JAZF1: variants seen among roughly 807,000 people sequenced by gnomAD.
JAZF1 encodes the protein juxtaposed with another zinc finger protein 1.
In JAZF1, 8 loss-of-function variants were observed where a neutral mutation model predicts 26.4. The observed-to-expected ratio is 0.30, with a 90% CI of 0.18 to 0.55. JAZF1 has a LOEUF of 0.55. JAZF1 is among the 20% of genes least tolerant of loss of function. The pLI is 0.94. For missense variants in JAZF1, 199 were observed against 322.0 expected, an observed-to-expected ratio of 0.62 and a Z score of 2.92; for synonymous variants, 126 against 122.3, an observed-to-expected ratio of 1.03 and a Z score of -0.20.
chr7:27,857,688 A>C (rs191232521), intron 3 of JAZF1, among the ~76,000 whole-genome samples: 90 of 152,384 alleles, frequency 5.9e-4, no homozygotes, highest in African/African-American at 2.1e-3. Context: ...GACAAAATTC[A>C]ACATCCATTC....
At chr7:27,833,397 A>G (rs1016005082) in intron 4 of JAZF1, among the ~76,000 whole-genome samples, 2 of 152,348 alleles carry the variant, frequency 1.3e-5, no homozygotes, top group Admixed American at 6.5e-5. Context: ...GCATATCCCA[A>G]AAGTTTAACA....
intron 2 of JAZF1, among the ~76,000 whole-genome samples, chr7:27,899,561 A>AGTAGCTG (rs915302582): frequency 2.6e-5 from 4 of 151,908 alleles, no homozygotes; most frequent in African/African-American, 9.7e-5. Flanking sequence ...CAGCCTCCCA[A>AGTAGCTG]GTAGCTGAGA....
intron 3 of JAZF1, among the ~76,000 whole-genome samples, chr7:27,892,719 T>C (rs1379045614): frequency 6.6e-6 from 1 of 152,066 alleles, no homozygotes; most frequent in African/African-American, 2.4e-5. Flanking sequence ...CTTCACAAAA[T>C]AAAATATAAG....
At chr7:28,056,435 TACAC>T (rs3073772) in intron 1 of JAZF1, among the ~76,000 whole-genome samples, 2,541 of 98,160 alleles carry the variant, frequency 0.026, 53 homozygotes, top group African/African-American at 0.077. Flanking sequence ...TTTCAACAAC[TACAC>T]ACACACACAC....
At chr7:28,041,356 G>C (rs1480210375) in intron 1 of JAZF1, among the ~76,000 whole-genome samples, 1 of 152,118 alleles carries the variant, frequency 6.6e-6, no homozygotes, top group Non-Finnish European at 1.5e-5. Flanking sequence ...GATGCTTTGA[G>C]CTTGACTTTA....
chr7:27,922,223 C>T (rs1368919157), intron 2 of JAZF1, among the ~76,000 whole-genome samples: 4 of 152,168 alleles, frequency 2.6e-5, no homozygotes, highest in Non-Finnish European at 4.4e-5. Context: ...ACTTTTCGAA[C>T]CACATTTTAT....
chr7:27,912,127 A>T (rs1200467070), intron 2 of JAZF1, among the ~76,000 whole-genome samples: 3 of 152,188 alleles, frequency 2.0e-5, no homozygotes, highest in Non-Finnish European at 4.4e-5. Context: ...AAGTAGCTCA[A>T]ATTCCATTTC....
At chr7:27,866,857 A>G (rs1783482290) in intron 3 of JAZF1, among the ~76,000 whole-genome samples, 1 of 152,210 alleles carries the variant, frequency 6.6e-6, no homozygotes, top group African/African-American at 2.4e-5. Context: ...CTGGGGATAA[A>G]GAAGACACGC....
intron 1 of JAZF1, among the ~76,000 whole-genome samples, chr7:28,173,434 C>T (rs138332299): frequency 6.6e-6 from 1 of 152,036 alleles, no homozygotes; most frequent in Non-Finnish European, 1.5e-5. Context: ...TATGGATATA[C>T]GTACACACAT....
At position 27,832,766 on chromosome 7, in the gene JAZF1, G is replaced by A. The variant is rs758064197; in HGVS notation, c.*34C>T. 5.6e-6 allele frequency: 8 copies of A among 1,431,880 alleles called. No homozygotes were observed. Among genetic ancestry groups the A allele is most frequent in the Non-Finnish European group, 7.4e-6 (8 of 1,080,720 alleles). The allele number at this position is 1,431,880 out of a possible 1,614,324, so 88.7% of individuals were successfully genotyped here. ...CTGTTTTCAAAATCAGCAACTGCTG[G>A]TGAGGATTTCTTGGCACAGTTATGA... On this transcript the variant is annotated 3_prime_UTR_variant, in exon 5 of 5. Coordinates refer to ENST00000283928, the MANE Select transcript of JAZF1 (RefSeq NM_175061.4).
intron 3 of JAZF1, among the ~76,000 whole-genome samples, chr7:27,856,215 G>A (rs1416311822): frequency 6.6e-6 from 1 of 152,140 alleles, no homozygotes; most frequent in Non-Finnish European, 1.5e-5. Flanking sequence ...GGTCTCGCTG[G>A]CTCAGGAGTG....
Position 27,987,548 on chromosome 7 carries a change from G to A in JAZF1, c.188+4361C>T, listed in dbSNP as rs1400612548. On this transcript the variant is annotated intron_variant, in intron 2 of 4. Transcript: ENST00000283928. ...GGGGGCAGCCCCTGCCCGGCCAGCCGCCCTGTCCGGGAGGGAGGTGGGGGG... is the reference window on the plus strand; with the variant it reads ...GGGGGCAGCCCCTGCCCGGCCAGCCACCCTGTCCGGGAGGGAGGTGGGGGG... Among the ~76,000 whole-genome samples the A allele has an allele frequency of 4.6e-5, 7 of 151,366 alleles. No homozygotes were observed. The South Asian group carries it at 8.3e-4, about 18-fold the overall frequency.
intron 1 of JAZF1, among the ~76,000 whole-genome samples, chr7:28,172,952 C>G (rs568263462): frequency 6.6e-6 from 1 of 152,278 alleles, no homozygotes; most frequent in South Asian, 2.1e-4. Flanking sequence ...TCATCAAACC[C>G]AAACAGAAAT....
At chr7:27,992,173 T>G in intron 1 of JAZF1, 192 bp from the exon 2 acceptor site, 1 of 652,584 alleles carries the variant, frequency 1.5e-6, no homozygotes, top group Non-Finnish European at 2.9e-6. Flanking sequence ...GCATTACTTT[T>G]CAAGGGAATT....
At chr7:28,165,487 C>T (rs1783354338) in intron 1 of JAZF1, among the ~76,000 whole-genome samples, 1 of 152,188 alleles carries the variant, frequency 6.6e-6, no homozygotes, top group African/African-American at 2.4e-5. Flanking sequence ...CAACATTCCA[C>T]ATCATCCTTT....
chr7:27,958,178 G>A (rs931861981), intron 2 of JAZF1, among the ~76,000 whole-genome samples: 1 of 152,144 alleles, frequency 6.6e-6, no homozygotes, highest in Non-Finnish European at 1.5e-5. Context: ...AACATTGAAT[G>A]GATCTTATCA....
intron 2 of JAZF1, among the ~76,000 whole-genome samples, chr7:27,924,109 T>C (rs749898810): frequency 3.9e-5 from 6 of 152,168 alleles, no homozygotes; most frequent in Non-Finnish European, 7.4e-5. Context: ...GACCGAGTCT[T>C]GCTCTGTCGC....
chr7:28,009,197 T>C (rs1354494947), intron 1 of JAZF1, among the ~76,000 whole-genome samples: 2 of 152,076 alleles, frequency 1.3e-5, no homozygotes, highest in Non-Finnish European at 2.9e-5. Flanking sequence ...GCGTCTTCAT[T>C]TCTATGGCTT....
At chr7:27,941,646 AAT>A (rs1784849548) in intron 2 of JAZF1, among the ~76,000 whole-genome samples, 1 of 152,218 alleles carries the variant, frequency 6.6e-6, no homozygotes, top group African/African-American at 2.4e-5. Context: ...GCCATATGTA[AAT>A]CAGAGTGCTT....
Sources: allele counts gnomAD v4.1 joint callset (sites outside exome capture counted in the v4.1 genomes callset), GRCh38; gene constraint gnomAD v4.1.1; transcripts MANE v1.5; gene names NCBI Gene and HGNC (gene_info 2026-07-23, HGNC 2026-07-21).